XPNPEP3: variants seen among roughly 807,000 people sequenced by gnomAD.
XPNPEP3 encodes xaa-Pro aminopeptidase 3.
XPNPEP3 carries 41 observed loss-of-function variants against 60.0 expected under a neutral mutation model. The ratio of observed to expected loss-of-function variants is 0.68; its 90% confidence interval spans 0.53 to 0.89. The LOEUF (loss-of-function observed/expected upper bound fraction) is 0.89, where lower values mean the gene tolerates loss of function less well. XPNPEP3 is among the 40% of genes least tolerant of loss of function. XPNPEP3 has a pLI of 0.00. For synonymous variants in XPNPEP3, 212 were observed against 223.2 expected (o/e 0.95, Z 0.45); for missense variants, 598 against 638.9 (o/e 0.94, Z 0.69).
chr22:40,860,654 T>TC, intron 1 of XPNPEP3: 1 of 1,300,014 alleles, frequency 7.7e-7, no homozygotes, highest in East Asian at 2.6e-5. Context: ...TTTTCCAAAT[T>TC]CCTTTTTTTT....
At chr22:40,886,546 C>T in intron 4 of XPNPEP3, 31 bp downstream of exon 4, 1 of 1,606,462 alleles carries the variant, frequency 6.2e-7, no homozygotes, top group Non-Finnish European at 8.5e-7. Flanking sequence ...TTTTTTCCAG[C>T]CGGGCGCGGT....
At chr22:40,925,380 C>T (rs186540615) in intron 9 of XPNPEP3, among the ~76,000 whole-genome samples, 17 of 152,268 alleles carry the variant, frequency 1.1e-4, no homozygotes, top group African/African-American at 4.1e-4. Flanking sequence ...GAAAACAGAT[C>T]TAAATTTTAG....
At chr22:40,858,331 T>A (rs891096098) in intron 1 of XPNPEP3, among the ~76,000 whole-genome samples, 2 of 151,734 alleles carry the variant, frequency 1.3e-5, no homozygotes. Context: ...GATCTCGAAC[T>A]CCTGGCCTCA....
chr22:40,910,404 T>A (rs527796968), intron 6 of XPNPEP3, among the ~76,000 whole-genome samples: 1 of 152,278 alleles, frequency 6.6e-6, no homozygotes, highest in South Asian at 2.1e-4. Context: ...GGGATTTTTT[T>A]TAACTCCTAA....
At chr22:40,906,969 A>T (rs5995963) in intron 4 of XPNPEP3, among the ~76,000 whole-genome samples, 84,049 of 152,000 alleles carry the variant, frequency 0.55, 23,928 homozygotes, top group East Asian at 0.93. Flanking sequence ...ACCAAGCCCC[A>T]TTATGGTCAC....
At chr22:40,868,951 A>G in intron 1 of XPNPEP3, 48 bp from the exon 2 acceptor site, 1 of 1,471,106 alleles carries the variant, frequency 6.8e-7, no homozygotes, top group Non-Finnish European at 9.5e-7. Flanking sequence ...TACCATGAAG[A>G]CTTTCTAGAT....
chr22:40,895,173 A>G (rs1356491676), intron 4 of XPNPEP3, among the ~76,000 whole-genome samples: 2 of 152,184 alleles, frequency 1.3e-5, no homozygotes, highest in Non-Finnish European at 2.9e-5. Context: ...GGATCCTAGG[A>G]GGAAAAGACT....
At chr22:40,903,380 T>C (rs1681671587) in intron 4 of XPNPEP3, among the ~76,000 whole-genome samples, 1 of 152,182 alleles carries the variant, frequency 6.6e-6, no homozygotes, top group Non-Finnish European at 1.5e-5. Flanking sequence ...GTCTAGTTTG[T>C]TAATATCCTT....
chr22:40,860,595 G>T, intron 1 of XPNPEP3: 1 of 1,229,166 alleles, frequency 8.1e-7, no homozygotes, highest in Non-Finnish European at 1.1e-6. Context: ...AGAAAAATAG[G>T]CTATAAACTC....
At chr22:40,868,839 C>G (rs979209713) in intron 1 of XPNPEP3, among the ~76,000 whole-genome samples, 160 bp from the exon 2 acceptor site, 3 of 151,126 alleles carry the variant, frequency 2.0e-5, no homozygotes, top group Non-Finnish European at 4.4e-5. Context: ...GAGTGAGACT[C>G]TGTCTTAAAA....
intron 1 of XPNPEP3, among the ~76,000 whole-genome samples, chr22:40,867,879 A>C (rs1175470395): frequency 6.6e-6 from 1 of 150,764 alleles, no homozygotes; most frequent in African/African-American, 2.4e-5. Context: ...ACAAAGCTGC[A>C]GTGAGCTATG....
chr22:40,881,346 G>A (rs1012273806), intron 2 of XPNPEP3, among the ~76,000 whole-genome samples: 3 of 151,784 alleles, frequency 2.0e-5, no homozygotes, highest in Admixed American at 1.3e-4. Flanking sequence ...ACCTCAGCTA[G>A]TCGGGAGGCT....
intron 6 of XPNPEP3, among the ~76,000 whole-genome samples, chr22:40,910,611 G>A (rs1023774284): frequency 2.7e-4 from 41 of 152,022 alleles, no homozygotes; most frequent in African/African-American, 9.4e-4. Flanking sequence ...GGCTAAGGTG[G>A]GAAGGATCAT....
chr22:40,865,760 G>T (rs898175783), intron 1 of XPNPEP3, among the ~76,000 whole-genome samples: 7 of 150,656 alleles, frequency 4.6e-5, no homozygotes, highest in African/African-American at 1.7e-4. Context: ...CGAACTCCTG[G>T]CCTCAAGTGA....
At position 40,857,358 on chromosome 22, in the gene XPNPEP3, C is replaced by T. The variant is rs189009704; in HGVS notation, c.64+113C>T. The stretch of plus-strand genomic sequence containing the variant: ...TTCTCCTGGTGGGGCCTCCGCTCCC[C>T]AACCCTCTGTGCTCCGCGGATTTCT... On this transcript the variant is annotated intron_variant, in intron 1 of 9. Transcript: ENST00000357137. 5.9e-6 allele frequency: 7 copies of T among 1,185,466 alleles called. No homozygotes were observed. The African/African-American group carries it at 7.6e-5, about 13-fold the overall frequency. 73.4% of individuals were successfully genotyped at this position (1,185,466 alleles called of 1,614,324 possible).
chr22:40,894,286 C>G (rs1323878437), intron 4 of XPNPEP3, among the ~76,000 whole-genome samples: 1 of 152,210 alleles, frequency 6.6e-6, no homozygotes, highest in Non-Finnish European at 1.5e-5. Context: ...TTAAGCATCT[C>G]TTGAGACTCC....
intron 1 of XPNPEP3, among the ~76,000 whole-genome samples, chr22:40,858,743 G>C (rs2057922218): frequency 6.6e-6 from 1 of 151,848 alleles, no homozygotes; most frequent in Non-Finnish European, 1.5e-5. Context: ...TCTTGGCCAG[G>C]CTGGTTTTGA....
intron 7 of XPNPEP3, 113 bp from the exon 8 acceptor site, chr22:40,922,220 A>T: frequency 7.8e-7 from 1 of 1,284,366 alleles, no homozygotes; most frequent in South Asian, 1.3e-5. Context: ...ATTAAACATC[A>T]ACAGTGCCCC....
intron 7 of XPNPEP3, 125 bp from the exon 8 acceptor site, chr22:40,922,208 T>C (rs1224768584): frequency 9.8e-6 from 11 of 1,123,890 alleles, no homozygotes; most frequent in Non-Finnish European, 1.2e-5. Context: ...AGATTGGTAC[T>C]TATTAAACAT....
Sources: gnomAD v4.1 joint callset for allele counts (sites outside exome capture counted in the v4.1 genomes callset) on GRCh38, gnomAD v4.1.1 for gene constraint, MANE v1.5 for transcripts, NCBI Gene and HGNC (gene_info 2026-07-23, HGNC 2026-07-21) for gene names.